EPHA5: variants seen among roughly 807,000 people sequenced by gnomAD.
The protein encoded by EPHA5 is EPH receptor A5.
In EPHA5, 60 loss-of-function variants were observed where a neutral mutation model predicts 105.0. That is an observed-to-expected ratio of 0.57 (90% CI 0.46 to 0.71). The LOEUF (loss-of-function observed/expected upper bound fraction) is 0.71, where lower values mean the gene tolerates loss of function less well. Ranked by LOEUF, EPHA5 falls within the 30% of genes least tolerant of loss-of-function variation. The pLI is 0.00. For synonymous variants in EPHA5, 513 were observed against 449.1 expected (o/e 1.14, Z -1.80); for missense variants, 1,218 against 1,274.7 (o/e 0.96, Z 0.68).
At chr4:65,362,843 T>C (rs1348610283) in intron 11 of EPHA5, among the ~76,000 whole-genome samples, 1 of 151,720 alleles carries the variant, frequency 6.6e-6, no homozygotes, top group Admixed American at 6.6e-5. Context: ...ATACGATCTT[T>C]GTCTTCAAGG....
At chr4:65,575,099 C>T (rs987213106) in intron 3 of EPHA5, among the ~76,000 whole-genome samples, 31 of 151,744 alleles carry the variant, frequency 2.0e-4, no homozygotes, top group African/African-American at 7.3e-4. Context: ...ACAATATAAA[C>T]AGCTGAGCAA....
At chr4:65,520,681 GA>G (rs1017467108) in intron 3 of EPHA5, among the ~76,000 whole-genome samples, 2 of 151,142 alleles carry the variant, frequency 1.3e-5, no homozygotes, top group Non-Finnish European at 3.0e-5. Flanking sequence ...AAATTTACAA[GA>G]AAAAAAACAA....
rs1459007009 is a variant in EPHA5 at position 65,495,533 on chromosome 4, A to G, written c.921T>C (p.Pro307=). Reference sequence around the variant, plus strand: ...TGTGAGGTGAGGCTTTGAAGAACCCAGGTCTGCACACTGTCAAAAGAAATA... The same window carrying G: ...TGTGAGGTGAGGCTTTGAAGAACCCGGGTCTGCACACTGTCAAAAGAAATA... ...EKNGTCQVCR[P]GFFKASPHIQ... Residue 307 remains proline, a synonymous_variant, in exon 4 of 17, where the codon CCT becomes CCC. Transcript: ENST00000613740. 25 of 1,611,572 alleles carry G rather than the reference A, an allele frequency of 1.6e-5. No homozygotes were observed. Among genetic ancestry groups the G allele is most frequent in the Non-Finnish European group, 2.0e-5 (24 of 1,179,110 alleles).
chr4:65,644,808 A>G (rs1747977501), intron 1 of EPHA5, among the ~76,000 whole-genome samples: 2 of 152,110 alleles, frequency 1.3e-5, no homozygotes, highest in Non-Finnish European at 2.9e-5. Flanking sequence ...AAATAAATCA[A>G]TAACTTAAAA....
rs542832054 is a variant in EPHA5, at chr4:65,443,963, G to A, written c.1403-23398C>T. Among the ~76,000 whole-genome samples the A allele has an allele frequency of 1.3e-3, 200 of 151,882 alleles. 1 individual carries two copies. In the Middle Eastern group the frequency reaches 0.02, roughly 15 times the overall value. On this transcript the variant is annotated intron_variant, in intron 5 of 16. Coordinates refer to ENST00000613740, the MANE Select transcript of EPHA5 (RefSeq NM_001281766.3). Reference sequence around the variant, plus strand: ...TGTGCACGCGCACATGCGCACTGGGGGTACACATCTATGTGTGCAAGTTTC... The same window carrying A: ...TGTGCACGCGCACATGCGCACTGGGAGTACACATCTATGTGTGCAAGTTTC...
intron 6 of EPHA5, 55 bp downstream of exon 6, chr4:65,420,386 T>C (rs2149036078): frequency 2.7e-6 from 4 of 1,498,230 alleles, no homozygotes; most frequent in Non-Finnish European, 3.6e-6. Context: ...TAATTGTAGT[T>C]GCTAAAATGA....
At chr4:65,565,202 G>C (rs757014755) in intron 3 of EPHA5, among the ~76,000 whole-genome samples, 1 of 151,596 alleles carries the variant, frequency 6.6e-6, no homozygotes, top group Non-Finnish European at 1.5e-5. Flanking sequence ...CAGGAAATAA[G>C]ATTCAAGGCC....
intron 7 of EPHA5, among the ~76,000 whole-genome samples, chr4:65,407,612 G>C (rs935337672): frequency 6.6e-6 from 1 of 151,572 alleles, no homozygotes; most frequent in Non-Finnish European, 1.5e-5. Flanking sequence ...GATCATTTTT[G>C]TATAAAAAGC....
At chr4:65,425,777 C>CCTA (rs1203702604) in intron 5 of EPHA5, among the ~76,000 whole-genome samples, 3 of 151,990 alleles carry the variant, frequency 2.0e-5, no homozygotes, top group Non-Finnish European at 4.4e-5. Context: ...TCATTGTTAG[C>CCTA]AACTTTGCCT....
rs1720612794 is a variant in EPHA5 at position 65,331,490 on chromosome 4, G to C, written c.2945+483C>G. ...GAAAGAATGTAAGGTGCACCATTTA[G>C]AAATTAAATGAGATCCTGCCAGGGA... On this transcript the variant is annotated intron_variant, in intron 16 of 16. Transcript: ENST00000613740. 27 of 1,051,182 alleles carry C rather than the reference G, an allele frequency of 2.6e-5. No individual in the cohort carries two copies. The East Asian group carries it at 1.4e-3, about 53-fold the overall frequency. 65.1% of individuals were successfully genotyped at this position (1,051,182 alleles called of 1,614,324 possible).
chr4:65,345,535 C>A (rs1722132045), intron 14 of EPHA5, among the ~76,000 whole-genome samples: 1 of 152,178 alleles, frequency 6.6e-6, no homozygotes, highest in African/African-American at 2.4e-5. Context: ...AAAGTGGACA[C>A]AGCTGGAACA....
At chr4:65,535,691 T>C (rs932806222) in intron 3 of EPHA5, among the ~76,000 whole-genome samples, 1 of 152,000 alleles carries the variant, frequency 6.6e-6, no homozygotes, top group African/African-American at 2.4e-5. Context: ...CTGTTTAATA[T>C]TGAGTTGAAG....
intron 5 of EPHA5, among the ~76,000 whole-genome samples, chr4:65,447,935 A>G (rs1726708687): frequency 6.6e-6 from 1 of 152,176 alleles, no homozygotes; most frequent in South Asian, 2.1e-4. Context: ...AGTAGAAAGA[A>G]CAAGAACATA....
chr4:65,595,441 T>C (rs1188856628), intron 3 of EPHA5, among the ~76,000 whole-genome samples: 1 of 152,104 alleles, frequency 6.6e-6, no homozygotes, highest in Non-Finnish European at 1.5e-5. Flanking sequence ...ATAGTTTTAT[T>C]TACCCATTGG....
intron 3 of EPHA5, among the ~76,000 whole-genome samples, chr4:65,521,834 T>A (rs1047411611): frequency 1.6e-4 from 25 of 152,114 alleles, no homozygotes; most frequent in African/African-American, 6.0e-4. Flanking sequence ...CATTTCCCAT[T>A]GCCTTACATA....
intron 5 of EPHA5, among the ~76,000 whole-genome samples, chr4:65,443,359 A>G (rs1173304782): frequency 6.6e-6 from 1 of 151,772 alleles, no homozygotes; most frequent in East Asian, 1.9e-4. Flanking sequence ...TTAGAAAAAT[A>G]GTAAACATAC....
In EPHA5 at chr4:65,420,562, G is replaced by A. The variant is rs372519544; in HGVS notation, c.1406C>T (p.Pro469Leu). ...SVNVTTNQAAPSPVTNVKKGK... is the reference protein window; with the variant it reads ...SVNVTTNQAALSPVTNVKKGK... The stretch of plus-strand genomic sequence containing the variant: ...TTTTTTCACATTGGTGACTGGAGAT[G>A]GAGCTGCAAAATAGTTTAAATAAGG... The change falls in exon 6 of 17, where the codon CCA becomes CTA. Residue 469 changes from proline to leucine, a missense_variant. By Grantham distance (98) the Pro-to-Leu change is moderately conservative (BLOSUM62 -3). This residue lies in a region of EPHA5 where 971 missense variants were observed against 1,013.5 expected (regional missense o/e 0.96). Transcript: ENST00000613740. 6.2e-7 allele frequency: 1 copy of A among 1,612,278 alleles called. No homozygotes were observed. The highest frequency in any genetic ancestry group is 1.3e-5 in the African/African-American group (1 of 74,904).
chr4:65,533,404 C>A (rs867838626), intron 3 of EPHA5, among the ~76,000 whole-genome samples: 5 of 152,056 alleles, frequency 3.3e-5, no homozygotes, highest in Middle Eastern at 3.4e-3. Flanking sequence ...TTTAGAAACT[C>A]AGGATTGGCA....
chr4:65,366,403 T>A (rs1259098846), intron 9 of EPHA5, among the ~76,000 whole-genome samples: 1 of 151,894 alleles, frequency 6.6e-6, no homozygotes, highest in Non-Finnish European at 1.5e-5. Context: ...TATTCTATAT[T>A]TCATATGGAT....
Sources: allele counts gnomAD v4.1 joint callset (sites outside exome capture counted in the v4.1 genomes callset), GRCh38; gene constraint gnomAD v4.1.1; regional missense constraint gnomAD v4.1.1; transcripts MANE v1.5; gene names NCBI Gene and HGNC (gene_info 2026-07-23, HGNC 2026-07-21).